BRD10: variants seen among roughly 807,000 people sequenced by gnomAD.
BRD10 encodes the protein uncharacterized bromodomain-containing protein 10.
the BRD10 span, among the ~76,000 whole-genome samples, chr9:5,970,029 T>G: frequency 6.6e-6 from 1 of 152,182 alleles, no homozygotes; most frequent in South Asian, 2.1e-4. Flanking sequence ...GAAAGCACAG[T>G]AGAATTTGAT....
At chr9:5,971,438 T>G in the BRD10 span, among the ~76,000 whole-genome samples, 1 of 152,186 alleles carries the variant, frequency 6.6e-6, no homozygotes, top group Non-Finnish European at 1.5e-5. Flanking sequence ...AGCAGTATTA[T>G]TTACAAGAGC....
chr9:5,897,555 A>C, the BRD10 span: 1 of 1,613,882 alleles, frequency 6.2e-7, no homozygotes, highest in Non-Finnish European at 8.5e-7. Context: ...CTCTTGGGCC[A>C]GGGCCGCTGG....
At chr9:5,973,031 G>A in the BRD10 span, among the ~76,000 whole-genome samples, 1 of 152,146 alleles carries the variant, frequency 6.6e-6, no homozygotes, top group African/African-American at 2.4e-5. Context: ...GCTTCCAGTG[G>A]AAGAACAGTG....
At chr9:5,987,976 T>C in the BRD10 span, among the ~76,000 whole-genome samples, 3 of 152,066 alleles carry the variant, frequency 2.0e-5, no homozygotes, top group Non-Finnish European at 4.4e-5. Flanking sequence ...GGTGAATTTA[T>C]GTCATGCTTG....
At chr9:5,905,200 T>C in the BRD10 span, among the ~76,000 whole-genome samples, 2 of 152,198 alleles carry the variant, frequency 1.3e-5, no homozygotes, top group Admixed American at 1.3e-4. Context: ...CTTAAAATAA[T>C]CCTAATTCCT....
At chr9:5,883,546 A>G in the BRD10 span, among the ~76,000 whole-genome samples, 1 of 146,910 alleles carries the variant, frequency 6.8e-6, no homozygotes, top group Non-Finnish European at 1.5e-5. Context: ...GCTCACTACA[A>G]CCTCATTCTT....
chr9:5,930,554 T>G, the BRD10 span, among the ~76,000 whole-genome samples: 1 of 152,016 alleles, frequency 6.6e-6, no homozygotes, highest in African/African-American at 2.4e-5. Context: ...AGAAGAGGAA[T>G]TGCTTACTAG....
chr9:5,996,213 C>G, the BRD10 span, among the ~76,000 whole-genome samples: 2 of 151,960 alleles, frequency 1.3e-5, no homozygotes, highest in Admixed American at 1.3e-4. Context: ...GAGAAGAATA[C>G]AAACAAAACC....
At chr9:5,922,810 T>C in the BRD10 span, 7 of 1,613,896 alleles carry the variant, frequency 4.3e-6, no homozygotes, top group Non-Finnish European at 5.1e-6. Flanking sequence ...ATACCATTTG[T>C]AAAGGACCTT....
the BRD10 span, among the ~76,000 whole-genome samples, chr9:6,004,122 A>C: frequency 6.6e-5 from 10 of 152,150 alleles, no homozygotes; most frequent in African/African-American, 2.2e-4. Flanking sequence ...AAATATAAAC[A>C]CCTCTATGAT....
chr9:5,914,849 A>C, the BRD10 span, among the ~76,000 whole-genome samples: 1 of 152,182 alleles, frequency 6.6e-6, no homozygotes, highest in Non-Finnish European at 1.5e-5. Flanking sequence ...GTAAACCATA[A>C]TTGAATTTTG....
At chr9:5,890,721 G>A in the BRD10 span, 1 of 152,154 alleles carries the variant, frequency 6.6e-6, no homozygotes, top group South Asian at 2.1e-4. Context: ...GGGGAAAACA[G>A]AGGCCACAGT....
At chr9:5,914,409 G>GTTTTTTTTTTTTTTTTTTTTTTTTTTTT in the BRD10 span, among the ~76,000 whole-genome samples, 2 of 106,924 alleles carry the variant, frequency 1.9e-5, no homozygotes, top group Admixed American at 1.2e-4. Context: ...AAATCCAGAT[G>GTTTTTTTTTTTTTTTTTTTTTTTTTTTT]GTTTTTTTTT....
At chr9:5,995,662 T>C in the BRD10 span, among the ~76,000 whole-genome samples, 28 of 152,280 alleles carry the variant, frequency 1.8e-4, no homozygotes, top group South Asian at 5.4e-3. Context: ...CAGTTCTTAT[T>C]TTAGTCAACC....
the BRD10 span, among the ~76,000 whole-genome samples, chr9:5,954,548 T>A: frequency 6.6e-6 from 1 of 152,190 alleles, no homozygotes; most frequent in East Asian, 1.9e-4. Flanking sequence ...TCCCCTTAAG[T>A]AGCTTAGGTA....
the BRD10 span, among the ~76,000 whole-genome samples, chr9:5,946,413 ACTTATGAAAGAAAT>A: frequency 6.6e-6 from 1 of 152,048 alleles, no homozygotes; most frequent in African/African-American, 2.4e-5. Context: ...TGCCAAATTT[ACTTATGAAAGAAAT>A]GCTGATGGTC....
the BRD10 span, among the ~76,000 whole-genome samples, chr9:5,917,452 A>C: frequency 6.6e-6 from 1 of 152,262 alleles, no homozygotes; most frequent in Non-Finnish European, 1.5e-5. Flanking sequence ...AGAGCTTTTA[A>C]AACTTTAAGT....
chr9:5,993,788 A>C, the BRD10 span, among the ~76,000 whole-genome samples: 57 of 152,240 alleles, frequency 3.7e-4, no homozygotes, highest in African/African-American at 1.3e-3. Flanking sequence ...TGATCCTTAT[A>C]AATCAGCCTT....
chr9:5,932,031 C>G, the BRD10 span, among the ~76,000 whole-genome samples: 1 of 152,204 alleles, frequency 6.6e-6, no homozygotes, highest in African/African-American at 2.4e-5. Context: ...GACACTGTCC[C>G]TTTCTACTTA....
Sources: gnomAD v4.1 joint callset for allele counts (sites outside exome capture counted in the v4.1 genomes callset) on GRCh38, gnomAD v4.1.1 for gene constraint, MANE v1.5 for transcripts, NCBI Gene and HGNC (gene_info 2026-07-23, HGNC 2026-07-21) for gene names.